BCO1: variants seen among roughly 807,000 people sequenced by gnomAD.
BCO1 encodes beta,beta-carotene 15,15'-dioxygenase.
BCO1 carries 54 observed loss-of-function variants against 56.3 expected under a neutral mutation model. The ratio of observed to expected loss-of-function variants is 0.96; its 90% CI spans 0.77 to 1.20. The LOEUF is 1.20. Among genes scored for constraint, BCO1 ranks in the 50% most tolerant of loss-of-function variants. The pLI is 0.00. For missense variants in BCO1, 801 were observed against 690.9 expected, an observed-to-expected ratio of 1.16 and a Z score of -1.79; for synonymous variants, 318 against 266.1, an observed-to-expected ratio of 1.20 and a Z score of -1.90.
chr16:81,264,580 A>T (rs941750832), intron 4 of BCO1, 60 bp from the exon 5 acceptor site: 2 of 1,585,686 alleles, frequency 1.3e-6, no homozygotes, highest in African/African-American at 1.3e-5. Flanking sequence ...AGATGATGTC[A>T]TATCTTGCAG....
rs113761730 is a variant in BCO1, at chr16:81,239,903, G to T, written c.64+931G>T. Among the ~76,000 whole-genome samples the T allele has an allele frequency of 7.7e-3, 1,171 of 152,178 alleles. 10 individuals carry two copies. Among genetic ancestry groups the T allele is most frequent in the African/African-American group, 0.026 (1,063 of 41,518 alleles). On this transcript the variant is annotated intron_variant, in intron 1 of 10. Coordinates refer to ENST00000258168, the MANE Select transcript of BCO1 (RefSeq NM_017429.3). ...CTCCCGGGTCCCCAGAGTGGTGCTC[G>T]CTCAGTTTTAAGAACAGCTGAGTCA...
At chr16:81,289,760 G>A (rs1908362242) in intron 10 of BCO1, among the ~76,000 whole-genome samples, 2 of 152,196 alleles carry the variant, frequency 1.3e-5, no homozygotes, top group Admixed American at 6.5e-5. Flanking sequence ...GTGGAGTGTA[G>A]GTGAGATTAT....
intron 2 of BCO1, among the ~76,000 whole-genome samples, chr16:81,250,578 CTTTTTT>C (rs530676028): frequency 9.5e-6 from 1 of 105,472 alleles, no homozygotes; most frequent in Admixed American, 1.1e-4. Context: ...CTCAATAAAG[CTTTTTT>C]TTTTTTTTTT....
intron 5 of BCO1, among the ~76,000 whole-genome samples, chr16:81,266,522 T>G (rs760410164): frequency 1.3e-5 from 2 of 152,124 alleles, no homozygotes; most frequent in Non-Finnish European, 2.9e-5. Context: ...CCTGGAGATA[T>G]GAGCCTTCGA....
rs1908142598 is a variant in BCO1, at chr16:81,285,723, GA to G, written c.1302+93del. 4 of 1,010,238 alleles carry G rather than the reference GA, an allele frequency of 4.0e-6. No individual in the cohort carries two copies. In the Admixed American group the frequency reaches 5.3e-5, roughly 13 times the overall value. 62.6% of individuals were successfully genotyped at this position (1,010,238 alleles called of 1,614,324 possible). On this transcript the variant is annotated intron_variant, in intron 9 of 10. Coordinates refer to ENST00000258168, the MANE Select transcript of BCO1 (RefSeq NM_017429.3). ...TTCTAAGGTTCTGAGACGTTGATTA[GA>G]AAAGAGGAGGTCAGAAGGAGTAAGC...
intron 2 of BCO1, among the ~76,000 whole-genome samples, chr16:81,245,818 C>T (rs528001363): frequency 4.0e-5 from 6 of 149,914 alleles, no homozygotes; most frequent in East Asian, 3.9e-4. Context: ...TTCTAGAAGC[C>T]GCTTTCCTTG....
At chr16:81,254,031 TA>T (rs1019084377) in intron 2 of BCO1, among the ~76,000 whole-genome samples, 4 of 152,198 alleles carry the variant, frequency 2.6e-5, no homozygotes, top group Admixed American at 2.6e-4. Context: ...GATGTTTGCA[TA>T]AAGGCTAGAT....
At position 81,245,560 on chromosome 16, in the gene BCO1, G is replaced by T; in HGVS notation, c.150G>T (p.Trp50Cys). ...HTVGESRYNH[W>C]FDGLALLHSF... ...TTGGGGAGTCCAGATACAACCATTGGTTCGACGGCCTTGCCCTGCTCCACA... is the reference window on the plus strand; with the variant it reads ...TTGGGGAGTCCAGATACAACCATTGTTTCGACGGCCTTGCCCTGCTCCACA... The change falls in exon 2 of 11, where the codon TGG becomes TGT. Residue 50 changes from tryptophan (W) to cysteine (C), a missense_variant. Coordinates refer to ENST00000258168, the MANE Select transcript of BCO1 (RefSeq NM_017429.3). 6.2e-7 allele frequency: 1 copy of T among 1,614,208 alleles called. No individual in the cohort carries two copies. Among genetic ancestry groups the T allele is most frequent in the Non-Finnish European group, 8.5e-7 (1 of 1,180,044 alleles).
At chr16:81,245,310 C>T (rs1905336940) in intron 1 of BCO1, among the ~76,000 whole-genome samples, 165 bp from the exon 2 acceptor site, 1 of 152,218 alleles carries the variant, frequency 6.6e-6, no homozygotes, top group Non-Finnish European at 1.5e-5. Context: ...TGCTAGCCAA[C>T]TGCCCAACAC....
At chr16:81,263,065 C>T (rs2151937650) in intron 4 of BCO1, 1 of 151,210 alleles carries the variant, frequency 6.6e-6, no homozygotes, top group East Asian at 2.0e-4. Context: ...CCTCAGTCTT[C>T]ACACTGCCTC....
chr16:81,257,123 C>T (rs1248148197), intron 2 of BCO1, among the ~76,000 whole-genome samples: 6 of 152,142 alleles, frequency 3.9e-5, no homozygotes, highest in Admixed American at 3.9e-4. Flanking sequence ...CAGTCAAATT[C>T]TACTCATCCT....
chr16:81,250,746 A>T (rs1239166723), intron 2 of BCO1, among the ~76,000 whole-genome samples: 2 of 151,772 alleles, frequency 1.3e-5, no homozygotes, highest in African/African-American at 4.8e-5. Flanking sequence ...ATGCCCAGCT[A>T]ATTTTTGTAT....
At chr16:81,266,740 C>G (rs185375503) in intron 5 of BCO1, among the ~76,000 whole-genome samples, 134 of 152,294 alleles carry the variant, frequency 8.8e-4, no homozygotes, top group African/African-American at 3.1e-3. Flanking sequence ...CCAGGAGCCA[C>G]TGACATCCTG....
At chr16:81,242,924 T>G (rs1239287612) in intron 1 of BCO1, among the ~76,000 whole-genome samples, 1 of 152,036 alleles carries the variant, frequency 6.6e-6, no homozygotes, top group Non-Finnish European at 1.5e-5. Context: ...GGTTGTGCGC[T>G]CCTTATAAGA....
chr16:81,287,456 C>A, intron 10 of BCO1, 50 bp downstream of exon 10: 1 of 1,450,358 alleles, frequency 6.9e-7, no homozygotes, highest in Non-Finnish European at 9.7e-7. Context: ...CTGCAGATCG[C>A]CCTCCAACAG....
intron 7 of BCO1, among the ~76,000 whole-genome samples, chr16:81,273,761 A>C (rs950747523): frequency 6.6e-6 from 1 of 152,164 alleles, no homozygotes; most frequent in Non-Finnish European, 1.5e-5. Flanking sequence ...TGAGAATAAA[A>C]TAGTGGAAAT....
At position 81,285,581 on chromosome 16, in the gene BCO1, C is replaced by A; in HGVS notation, c.1249C>A (p.Gln417Lys). 6.2e-7 allele frequency: 1 copy of A among 1,613,896 alleles called. No homozygotes were observed. The highest frequency in any genetic ancestry group is 8.5e-7 in the Non-Finnish European group (1 of 1,179,772). The change falls in exon 9 of 11, where the codon CAA becomes AAA. Residue 417 changes from glutamine (Q) to lysine (K), a missense_variant. Physicochemically the swap from Gln to Lys is moderately conservative, Grantham distance 53 (BLOSUM62 1). Transcript: ENST00000258168. ...PRVNYAHNGK[Q>K]YRYVFATGVQ... is the part of the protein sequence containing the mutation. ...GGTCAATTATGCTCACAATGGAAAGCAATACCGATATGTCTTTGCTACAGG... is the reference window on the plus strand; with the variant it reads ...GGTCAATTATGCTCACAATGGAAAGAAATACCGATATGTCTTTGCTACAGG...
At position 81,262,168 on chromosome 16, in the gene BCO1, A is replaced by ACTTG. The variant is rs772865830; in HGVS notation, c.356_357insCTTG (p.Phe120LeufsTer41). The ACTTG allele has an allele frequency of 1.2e-6, 2 of 1,614,054 alleles. No homozygotes were observed. The highest frequency in any genetic ancestry group is 2.2e-5 in the South Asian group (2 of 91,076). ...TCCTACTTGTCTCACACCATCCCCG[A>ACTTG]TTTCACCGACAACTGCCTGATCAAC... On this transcript the variant is annotated frameshift_variant, in exon 4 of 11. Transcript: ENST00000258168. LOFTEE classifies it high-confidence loss of function.
chr16:81,267,613 A>G (rs758297102), intron 5 of BCO1, among the ~76,000 whole-genome samples: 2 of 152,164 alleles, frequency 1.3e-5, no homozygotes, highest in Non-Finnish European at 1.5e-5. Flanking sequence ...ACTCTATCTC[A>G]GACAAACCGG....
Sources: gnomAD v4.1 joint callset for allele counts (sites outside exome capture counted in the v4.1 genomes callset) on GRCh38, gnomAD v4.1.1 for gene constraint, MANE v1.5 for transcripts, NCBI Gene and HGNC (gene_info 2026-07-23, HGNC 2026-07-21) for gene names.